The following SHQ1 variants were observed in gnomAD, a reference collection of about 807,000 sequenced individuals.
SHQ1 encodes the protein SHQ1, H/ACA ribonucleoprotein assembly factor, also known as protein SHQ1 homolog.
Under a neutral mutation model 53.8 loss-of-function variants are expected in SHQ1, and 49 were observed. That is an observed-to-expected ratio of 0.91 (90% CI 0.72 to 1.16). SHQ1 has a LOEUF of 1.16. SHQ1 is among the 50% of genes most tolerant of loss of function. The pLI is 0.00. For missense variants in SHQ1, 738 were observed against 683.1 expected (o/e 1.08, Z -0.90); for synonymous variants, 243 against 251.0 (o/e 0.97, Z 0.30).
downstream of SHQ1, among the ~76,000 whole-genome samples, chr3:72,748,956 A>AACACACACGCACACGC (rs1705309357): frequency 1.4e-5 from 2 of 140,410 alleles, no homozygotes; most frequent in Non-Finnish European, 1.5e-5. Flanking sequence ...CCCTGTCTCA[A>AACACACACGCACACGC]ACACACACGC....
At chr3:72,785,688 A>C (rs1259967037) in intron 10 of SHQ1, among the ~76,000 whole-genome samples, 1 of 152,232 alleles carries the variant, frequency 6.6e-6, no homozygotes, top group African/African-American at 2.4e-5. Context: ...CTAGAACAAG[A>C]AAATTTGTTC....
chr3:72,823,282 C>G (rs1188797678), intron 6 of SHQ1, among the ~76,000 whole-genome samples: 1 of 151,846 alleles, frequency 6.6e-6, no homozygotes, highest in Non-Finnish European at 1.5e-5. Flanking sequence ...TAAAACTTAA[C>G]CATAAAAACA....
intron 2 of SHQ1, among the ~76,000 whole-genome samples, chr3:72,844,044 A>AT (rs1323355658): frequency 6.6e-6 from 1 of 152,226 alleles, no homozygotes; most frequent in African/African-American, 2.4e-5. Flanking sequence ...AGTCATCTAC[A>AT]TTTTTTATGA....
chr3:72,826,532 C>T (rs1326934579), intron 5 of SHQ1, among the ~76,000 whole-genome samples: 1 of 152,240 alleles, frequency 6.6e-6, no homozygotes, highest in Non-Finnish European at 1.5e-5. Context: ...CATGACAAGA[C>T]ACAGACAGTC....
chr3:72,786,483 G>A (rs1372234205), intron 10 of SHQ1, among the ~76,000 whole-genome samples: 1 of 152,026 alleles, frequency 6.6e-6, no homozygotes, highest in African/African-American at 2.4e-5. Context: ...TTTTCAGGCT[G>A]TTCAAATGGG....
chr3:72,799,116 A>C (rs1706712226), intron 9 of SHQ1, among the ~76,000 whole-genome samples: 2 of 152,036 alleles, frequency 1.3e-5, no homozygotes, highest in Admixed American at 1.3e-4. Context: ...TGAACCTGGG[A>C]GTCTGAGACC....
chr3:72,775,532 T>C (rs1033205124), intron 10 of SHQ1, among the ~76,000 whole-genome samples: 2 of 151,326 alleles, frequency 1.3e-5, no homozygotes, highest in African/African-American at 4.9e-5. Context: ...ACGTGCACTG[T>C]TTCAGAGAAC....
rs1705325041 is a variant in SHQ1, at chr3:72,749,705, A to G, written c.*579T>C. The stretch of plus-strand genomic sequence containing the variant: ...AAATAAAAATATTGATGGGCTCTAC[A>G]TTCTGGAGACACGGGCAGTAGAACT... On this transcript the variant is annotated 3_prime_UTR_variant, in exon 11 of 11. Transcript: ENST00000325599. The G allele has an allele frequency of 9.3e-6, 2 of 216,048 alleles. No homozygotes were observed. The highest frequency in any genetic ancestry group is 9.3e-6 in the Non-Finnish European group (1 of 107,492). The allele number at this position is 216,048 out of a possible 1,614,324, so 13.4% of individuals were successfully genotyped here.
chr3:72,779,431 T>A (rs1706027759), intron 10 of SHQ1, among the ~76,000 whole-genome samples: 1 of 152,072 alleles, frequency 6.6e-6, no homozygotes, highest in Non-Finnish European at 1.5e-5. Flanking sequence ...GTCAGCCATC[T>A]CTCGTGGCAG....
chr3:72,847,814 T>C (rs1380799082), intron 1 of SHQ1, among the ~76,000 whole-genome samples: 1 of 151,962 alleles, frequency 6.6e-6, no homozygotes, highest in African/African-American at 2.4e-5. Context: ...GTCACGGAGA[T>C]GTCAGCGCGC....
intron 10 of SHQ1, chr3:72,753,112 G>A (rs1408032426): frequency 1.0e-6 from 1 of 985,292 alleles, no homozygotes; most frequent in African/African-American, 1.7e-5. Context: ...CTCCAAAGAT[G>A]ACTACTATTC....
At chr3:72,762,599 G>A (rs542924396) in intron 10 of SHQ1, among the ~76,000 whole-genome samples, 139 of 152,250 alleles carry the variant, frequency 9.1e-4, no homozygotes, top group African/African-American at 3.2e-3. Context: ...AAGGTCTCCC[G>A]TTCCATACGG....
At chr3:72,748,726 C>A (rs952177947), downstream of SHQ1, among the ~76,000 whole-genome samples, 1 of 151,880 alleles carries the variant, frequency 6.6e-6, no homozygotes, top group Non-Finnish European at 1.5e-5. Flanking sequence ...AAAAAACACA[C>A]AAAACAAAAC....
At chr3:72,729,394 C>T in the SHQ1 span, among the ~76,000 whole-genome samples, 29,352 of 152,150 alleles carry the variant, frequency 0.19, 3,341 homozygotes, top group Non-Finnish European at 0.25. Flanking sequence ...GGCCGCTGCT[C>T]GTGCTGCCTC....
intron 10 of SHQ1, among the ~76,000 whole-genome samples, chr3:72,777,172 A>C (rs1027687945): frequency 1.3e-5 from 2 of 152,244 alleles, no homozygotes; most frequent in African/African-American, 4.8e-5. Flanking sequence ...GAGAACCAAA[A>C]GCACACCCAT....
At chr3:72,837,890 A>G (rs1708050003) in intron 4 of SHQ1, among the ~76,000 whole-genome samples, 1 of 152,250 alleles carries the variant, frequency 6.6e-6, no homozygotes. Context: ...AATATTTCAT[A>G]AAACCTATCT....
chr3:72,770,160 T>G (rs1277939383), intron 10 of SHQ1, among the ~76,000 whole-genome samples: 1 of 152,236 alleles, frequency 6.6e-6, no homozygotes, highest in African/African-American at 2.4e-5. Context: ...TTAGCAAATA[T>G]TATTGACCAC....
intron 8 of SHQ1, chr3:72,814,414 T>C (rs1200117248): frequency 3.9e-5 from 6 of 152,216 alleles, no homozygotes; most frequent in Admixed American, 3.9e-4. Flanking sequence ...TCTGATTCAG[T>C]GAGTGTGAGG....
chr3:72,792,817 C>G, intron 10 of SHQ1, 99 bp downstream of exon 10: 1 of 356,458 alleles, frequency 2.8e-6, no homozygotes, highest in Non-Finnish European at 5.3e-6. Context: ...AAAAACACAA[C>G]TTACTCCTCA....
Sources: gnomAD v4.1 joint callset for allele counts (sites outside exome capture counted in the v4.1 genomes callset) on GRCh38, gnomAD v4.1.1 for gene constraint, MANE v1.5 for transcripts, NCBI Gene and HGNC (gene_info 2026-07-23, HGNC 2026-07-21) for gene names.